Variants in CNTNAP5 observed in about 807,000 individuals in gnomAD.
CNTNAP5 encodes contactin associated protein family member 5.
In CNTNAP5, 72 loss-of-function variants were observed where a neutral mutation model predicts 150.2. The ratio of observed to expected loss-of-function variants is 0.48; its 90% confidence interval spans 0.40 to 0.58. CNTNAP5 has a LOEUF of 0.58. Among genes scored for constraint, CNTNAP5 ranks in the 20% least tolerant of loss-of-function variants. The probability of loss-of-function intolerance (pLI) is 0.00; values close to 1 mark genes in which losing one functional copy is unlikely to be tolerated. For synonymous variants in CNTNAP5, 672 were observed against 619.8 expected, an observed-to-expected ratio of 1.08 and a Z score of -1.25; for missense variants, 1,636 against 1,626.2, an observed-to-expected ratio of 1.01 and a Z score of -0.10.
intron 3 of CNTNAP5, among the ~76,000 whole-genome samples, chr2:124,293,248 C>T (rs1688345898): frequency 6.6e-6 from 1 of 151,840 alleles, no homozygotes; most frequent in Non-Finnish European, 1.5e-5. Context: ...GTTCTACTTC[C>T]TCTACTGTAC....
At chr2:124,786,259 T>C (rs1681566534) in intron 17 of CNTNAP5, among the ~76,000 whole-genome samples, 1 of 144,396 alleles carries the variant, frequency 6.9e-6, no homozygotes. Context: ...TATGACTCTG[T>C]CTCAAAAATA....
At chr2:124,757,367 C>G (rs1225119472) in intron 14 of CNTNAP5, among the ~76,000 whole-genome samples, 2 of 152,154 alleles carry the variant, frequency 1.3e-5, no homozygotes, top group East Asian at 1.9e-4. Flanking sequence ...CACCCTGAGA[C>G]CTAAGGAGGA....
intron 13 of CNTNAP5, among the ~76,000 whole-genome samples, chr2:124,662,741 A>G (rs1157956941): frequency 6.6e-6 from 1 of 152,212 alleles, no homozygotes; most frequent in East Asian, 1.9e-4. Context: ...GTTCTGCCAA[A>G]TGAGGAGGGA....
intron 11 of CNTNAP5, among the ~76,000 whole-genome samples, chr2:124,580,021 T>C (rs1195023391): frequency 2.6e-5 from 4 of 152,200 alleles, no homozygotes; most frequent in Non-Finnish European, 4.4e-5. Flanking sequence ...TTTTGTTCTT[T>C]GTTTGTTTGT....
chr2:124,533,287 G>T (rs1695152809), intron 10 of CNTNAP5, among the ~76,000 whole-genome samples: 1 of 129,688 alleles, frequency 7.7e-6, no homozygotes, highest in South Asian at 2.2e-4. Context: ...CTGAGAGTGA[G>T]GGTCTCTTTA....
intron 6 of CNTNAP5, 93 bp from the exon 7 acceptor site, chr2:124,474,646 A>T: frequency 1.9e-6 from 2 of 1,068,074 alleles, no homozygotes; most frequent in East Asian, 2.7e-5. Context: ...TCAAGCATAC[A>T]ATTGAATCTA....
At chr2:124,773,695 T>C (rs1282146017) in intron 17 of CNTNAP5, among the ~76,000 whole-genome samples, 7 of 152,054 alleles carry the variant, frequency 4.6e-5, no homozygotes, top group Admixed American at 4.6e-4. Flanking sequence ...TCAGGTATCT[T>C]GTTAGATAGT....
At chr2:124,429,122 A>T (rs957391301) in intron 4 of CNTNAP5, among the ~76,000 whole-genome samples, 1 of 152,230 alleles carries the variant, frequency 6.6e-6, no homozygotes, top group Non-Finnish European at 1.5e-5. Flanking sequence ...AAAAAGCAGC[A>T]TATAATAGTT....
At chr2:124,434,728 G>A in intron 5 of CNTNAP5, 41 bp downstream of exon 5, 1 of 1,521,744 alleles carries the variant, frequency 6.6e-7, no homozygotes, top group Non-Finnish European at 9.0e-7. Context: ...GGGATGGAGA[G>A]CTCCTTTACT....
intron 3 of CNTNAP5, among the ~76,000 whole-genome samples, chr2:124,251,298 C>A (rs548220549): frequency 2.0e-5 from 3 of 151,786 alleles, no homozygotes; most frequent in East Asian, 3.9e-4. Flanking sequence ...CCCCACCCCC[C>A]CAAGTATTGG....
intron 19 of CNTNAP5, among the ~76,000 whole-genome samples, chr2:124,856,936 G>T (rs1677387840): frequency 1.3e-5 from 2 of 152,142 alleles, no homozygotes. Flanking sequence ...AGGTCCTGGG[G>T]GTCAAACCTG....
chr2:124,829,116 C>T (rs1012110195), intron 19 of CNTNAP5, among the ~76,000 whole-genome samples: 2 of 152,086 alleles, frequency 1.3e-5, no homozygotes, highest in Non-Finnish European at 2.9e-5. Context: ...TATAGTGACT[C>T]GGGCAAGAGA....
At chr2:124,223,104 T>C (rs774513920) in intron 2 of CNTNAP5, among the ~76,000 whole-genome samples, 1 of 152,122 alleles carries the variant, frequency 6.6e-6, no homozygotes, top group Non-Finnish European at 1.5e-5. Flanking sequence ...CAAACATTAT[T>C]ACCTTTTACC....
chr2:124,800,749 T>C (rs1249971434), intron 19 of CNTNAP5, among the ~76,000 whole-genome samples: 1 of 152,192 alleles, frequency 6.6e-6, no homozygotes, highest in East Asian at 1.9e-4. Context: ...TTTAAAGTCC[T>C]GGCTACATGC....
intron 1 of CNTNAP5, among the ~76,000 whole-genome samples, chr2:124,155,328 C>T (rs1684501047): frequency 6.6e-6 from 1 of 152,112 alleles, no homozygotes; most frequent in Non-Finnish European, 1.5e-5. Flanking sequence ...CTTCAACCTC[C>T]TGTAATCATT....
chr2:124,565,870 A>T (rs1023932106), intron 11 of CNTNAP5, among the ~76,000 whole-genome samples: 3 of 151,708 alleles, frequency 2.0e-5, no homozygotes, highest in African/African-American at 2.4e-5. Context: ...AAGCGCTGGG[A>T]TTACAGGCGT....
intron 13 of CNTNAP5, among the ~76,000 whole-genome samples, chr2:124,728,718 T>A (rs1325406818): frequency 6.6e-6 from 1 of 152,060 alleles, no homozygotes; most frequent in Non-Finnish European, 1.5e-5. Flanking sequence ...AAATATGGAA[T>A]GAGGCATGGA....
At chr2:124,786,431 G>GAAAGAAAGA (rs1558775184) in intron 17 of CNTNAP5, among the ~76,000 whole-genome samples, 3 of 113,476 alleles carry the variant, frequency 2.6e-5, no homozygotes, top group African/African-American at 1.2e-4. Flanking sequence ...AGGAAGGAAG[G>GAAAGAAAGA]AAGGAAGGAA....
At chr2:124,184,331 T>A (rs1326100001) in intron 1 of CNTNAP5, among the ~76,000 whole-genome samples, 1 of 152,142 alleles carries the variant, frequency 6.6e-6, no homozygotes, top group Non-Finnish European at 1.5e-5. Flanking sequence ...GAGCTTTGCA[T>A]GGAGAAGCAA....
Sources: allele counts gnomAD v4.1 joint callset (sites outside exome capture counted in the v4.1 genomes callset), GRCh38; gene constraint gnomAD v4.1.1; transcripts MANE v1.5; gene names NCBI Gene and HGNC (gene_info 2026-07-23, HGNC 2026-07-21).